The following NRG3 variants were observed in gnomAD, a reference collection of about 807,000 sequenced individuals.
The protein encoded by NRG3 is neuregulin 3.
In NRG3, 31 loss-of-function variants were observed where a neutral mutation model predicts 66.9. That is an observed-to-expected ratio of 0.46 (90% CI 0.35 to 0.63). NRG3 has a LOEUF of 0.63. NRG3 is among the 20% of genes least tolerant of loss of function. The probability of loss-of-function intolerance (pLI) is 0.00; values close to 1 mark genes in which losing one functional copy is unlikely to be tolerated. For missense variants in NRG3, 910 were observed against 878.9 expected, an observed-to-expected ratio of 1.04 and a Z score of -0.45; for synonymous variants, 393 against 359.4, an observed-to-expected ratio of 1.09 and a Z score of -1.06.
chr10:81,876,253 G>C (rs1198471611), intron 1 of NRG3, 90 bp downstream of exon 1: 1 of 1,465,466 alleles, frequency 6.8e-7, no homozygotes, highest in East Asian at 2.5e-5. Flanking sequence ...CTGTTTTCTA[G>C]CAAGCCCCCT....
intron 3 of NRG3, among the ~76,000 whole-genome samples, chr10:82,864,899 G>C (rs1375823337): frequency 6.6e-6 from 1 of 152,122 alleles, no homozygotes; most frequent in Non-Finnish European, 1.5e-5. Context: ...AAAAGTGAAA[G>C]AGAGAGAGAA....
At position 82,327,572 on chromosome 10, in the gene NRG3, G is replaced by A. The variant is rs144558256; in HGVS notation, c.824-31167G>A. Among the ~76,000 whole-genome samples the A allele has an allele frequency of 1.8e-3, 267 of 152,080 alleles. 2 individuals are homozygous for A. Among genetic ancestry groups the A allele is most frequent in the African/African-American group, 5.7e-3 (236 of 41,394 alleles). On this transcript the variant is annotated intron_variant, in intron 1 of 8. Coordinates refer to ENST00000372141, the MANE Select transcript of NRG3 (RefSeq NM_001010848.4). ...GATGTGAATAAATTATGGAAGCTTA[G>A]GGACCCTCATATCCCCCATCTCAAA...
chr10:82,402,480 A>G (rs1035617038), intron 2 of NRG3, among the ~76,000 whole-genome samples: 1 of 152,222 alleles, frequency 6.6e-6, no homozygotes, highest in African/African-American at 2.4e-5. Context: ...TTGCTCAAGC[A>G]GGTTCCTCAG....
At chr10:82,382,008 T>C (rs1013895489) in intron 2 of NRG3, among the ~76,000 whole-genome samples, 3 of 152,198 alleles carry the variant, frequency 2.0e-5, no homozygotes, top group African/African-American at 7.2e-5. Context: ...TTTTAGGAGA[T>C]TTTAATTCCT....
intron 1 of NRG3, among the ~76,000 whole-genome samples, chr10:82,233,868 T>C (rs1434444165): frequency 2.0e-5 from 3 of 151,948 alleles, no homozygotes; most frequent in African/African-American, 7.3e-5. Context: ...ACTTAGTTCT[T>C]CCTTCAACAG....
intron 2 of NRG3, among the ~76,000 whole-genome samples, chr10:82,496,378 T>C (rs113032054): frequency 2.6e-5 from 4 of 152,316 alleles, no homozygotes; most frequent in African/African-American, 9.6e-5. Flanking sequence ...GAGATGATAT[T>C]CTATTTCTGG....
intron 2 of NRG3, among the ~76,000 whole-genome samples, chr10:82,557,657 T>C (rs2132967102): frequency 6.6e-6 from 1 of 152,282 alleles, no homozygotes; most frequent in South Asian, 2.1e-4. Context: ...TTAGCATTTT[T>C]TTTCTTGATC....
At chr10:82,912,692 GT>G (rs1450092450) in intron 4 of NRG3, among the ~76,000 whole-genome samples, 8 of 152,164 alleles carry the variant, frequency 5.3e-5, no homozygotes, top group Admixed American at 6.5e-5. Flanking sequence ...ATTTGTAAAT[GT>G]TTTTTAGTAA....
At chr10:82,032,026 GAGA>G (rs2062591763) in intron 1 of NRG3, among the ~76,000 whole-genome samples, 1 of 151,988 alleles carries the variant, frequency 6.6e-6, no homozygotes, top group African/African-American at 2.4e-5. Context: ...TCCTTGTTAG[GAGA>G]AGTAGAAAGC....
intron 2 of NRG3, among the ~76,000 whole-genome samples, chr10:82,653,121 C>T (rs1448541330): frequency 1.3e-5 from 2 of 152,248 alleles, no homozygotes; most frequent in East Asian, 3.9e-4. Flanking sequence ...ATGATTATAA[C>T]AAGTGGCTTG....
chr10:82,777,806 C>T (rs2065539), intron 3 of NRG3, among the ~76,000 whole-genome samples: 64,111 of 151,978 alleles, frequency 0.42, 14,431 homozygotes, highest in African/African-American at 0.58. Flanking sequence ...TGGCCAAAGC[C>T]CTGCAAGGTT....
At chr10:82,771,702 C>T (rs1449119072) in intron 3 of NRG3, among the ~76,000 whole-genome samples, 1 of 152,192 alleles carries the variant, frequency 6.6e-6, no homozygotes, top group African/African-American at 2.4e-5. Flanking sequence ...AGCTATTCCT[C>T]ATTCAATGAA....
intron 2 of NRG3, among the ~76,000 whole-genome samples, chr10:82,440,462 T>A (rs2090379772): frequency 6.6e-6 from 1 of 151,946 alleles, no homozygotes; most frequent in Non-Finnish European, 1.5e-5. Context: ...ACTTCTTTAA[T>A]TCTCCATCCT....
chr10:82,403,268 TCA>T (rs1416813093), intron 2 of NRG3, among the ~76,000 whole-genome samples: 1 of 152,148 alleles, frequency 6.6e-6, no homozygotes, highest in African/African-American at 2.4e-5. Context: ...GTAAATCCTT[TCA>T]CAGTCTTCGG....
At chr10:82,576,254 C>T (rs2046026555) in intron 2 of NRG3, among the ~76,000 whole-genome samples, 1 of 151,646 alleles carries the variant, frequency 6.6e-6, no homozygotes, top group East Asian at 1.9e-4. Context: ...TATCTTACTT[C>T]CAAGGATGCA....
chr10:82,319,859 G>C (rs2081476104), intron 1 of NRG3, among the ~76,000 whole-genome samples: 1 of 152,200 alleles, frequency 6.6e-6, no homozygotes, highest in Non-Finnish European at 1.5e-5. Flanking sequence ...CTGTCTGTCT[G>C]AATTGCCTCA....
At chr10:82,257,012 A>C (rs1488901084) in intron 1 of NRG3, among the ~76,000 whole-genome samples, 1 of 152,166 alleles carries the variant, frequency 6.6e-6, no homozygotes, top group South Asian at 2.1e-4. Context: ...GTTTATAACC[A>C]GTACTACTTC....
chr10:81,989,853 A>G (rs1304761083), intron 1 of NRG3, among the ~76,000 whole-genome samples: 2 of 152,120 alleles, frequency 1.3e-5, no homozygotes, highest in Non-Finnish European at 2.9e-5. Context: ...GCTGGACTGT[A>G]GTTGGTGAAA....
intron 4 of NRG3, among the ~76,000 whole-genome samples, chr10:82,939,033 C>T (rs564166681): frequency 1.3e-5 from 2 of 152,164 alleles, no homozygotes; most frequent in Non-Finnish European, 2.9e-5. Context: ...TAACTTGATG[C>T]AGGTTGCTTT....
Sources: allele counts gnomAD v4.1 joint callset (sites outside exome capture counted in the v4.1 genomes callset), GRCh38; gene constraint gnomAD v4.1.1; transcripts MANE v1.5; gene names NCBI Gene and HGNC (gene_info 2026-07-23, HGNC 2026-07-21).